The following AGPAT3 variants were observed in gnomAD, a reference collection of about 807,000 sequenced individuals.
AGPAT3 encodes 1-acyl-sn-glycerol-3-phosphate acyltransferase gamma.
In AGPAT3, 5 loss-of-function variants were observed where a neutral mutation model predicts 47.3. That is an observed-to-expected ratio of 0.11 (90% CI 0.06 to 0.22). The LOEUF is 0.22. Ranked by LOEUF, AGPAT3 falls within the 10% of genes least tolerant of loss-of-function variation. The pLI is 1.00. For missense variants in AGPAT3, 315 were observed against 493.0 expected (o/e 0.64, Z 3.42); for synonymous variants, 212 against 208.3 (o/e 1.02, Z -0.15).
rs914362474 is a variant in AGPAT3 at position 43,980,295 on chromosome 21, A to C, written c.844-694A>C. Among the ~76,000 whole-genome samples, 68 of 151,474 alleles carry C rather than the reference A, an allele frequency of 4.5e-4. 3 individuals carry two copies. In the East Asian group the frequency reaches 0.011, roughly 24 times the overall value. ...CATCTCAAAAAAAAAAAAAAAACAA[A>C]AAAAAACGAGAGAGTTGATGGTGCC... On this transcript the variant is annotated intron_variant, in intron 8 of 9. Coordinates refer to ENST00000291572, the MANE Select transcript of AGPAT3 (RefSeq NM_020132.5).
At chr21:43,893,183 G>A (rs946854799) in intron 1 of AGPAT3, among the ~76,000 whole-genome samples, 12 of 152,296 alleles carry the variant, frequency 7.9e-5, no homozygotes, top group South Asian at 2.1e-4. Flanking sequence ...CAGCTTCTCC[G>A]TGGGCACCTA....
At chr21:43,973,728 G>A (rs2089491606) in intron 7 of AGPAT3, among the ~76,000 whole-genome samples, 1 of 152,226 alleles carries the variant, frequency 6.6e-6, no homozygotes, top group African/African-American at 2.4e-5. Flanking sequence ...CCCTGCAGCC[G>A]AGCCATCACA....
rs954505137 is a variant in AGPAT3 at position 43,908,135 on chromosome 21, T to A, written c.-49+4116T>A. 6.6e-6 allele frequency among the ~76,000 whole-genome samples: 1 copy of A among 152,206 alleles called. No individual in the cohort carries two copies. On this transcript the variant is annotated intron_variant, in intron 2 of 9. Coordinates refer to ENST00000291572, the MANE Select transcript of AGPAT3 (RefSeq NM_020132.5). This position sits in a 1 kb window ranked among gnomAD's most constrained non-coding sequence, Gnocchi z 4.9. ...AAATTATGTGGGAAAAACGTGTGTG[T>A]GTTCCAAAGCTGGAGTGAGATTTCC...
At chr21:43,961,975 T>C (rs531499596) in intron 3 of AGPAT3, among the ~76,000 whole-genome samples, 3 of 152,008 alleles carry the variant, frequency 2.0e-5, no homozygotes, top group African/African-American at 4.8e-5. Context: ...AAATGTGTTA[T>C]AGCTTCAGTT....
At chr21:43,980,683 C>A (rs1032600981) in intron 8 of AGPAT3, among the ~76,000 whole-genome samples, 8 of 152,186 alleles carry the variant, frequency 5.3e-5, no homozygotes, top group African/African-American at 1.9e-4. Flanking sequence ...GGCGGGTGGC[C>A]GGGGCAGTGC....
At chr21:43,882,310 A>G (rs2085870933) in intron 1 of AGPAT3, among the ~76,000 whole-genome samples, 1 of 152,278 alleles carries the variant, frequency 6.6e-6, no homozygotes. Flanking sequence ...TCTCTTGTGC[A>G]GTATGGAAAT....
intron 7 of AGPAT3, among the ~76,000 whole-genome samples, chr21:43,973,254 T>C (rs376492469): frequency 1.3e-5 from 2 of 152,360 alleles, no homozygotes; most frequent in African/African-American, 4.8e-5. Context: ...GAGGGAGCTC[T>C]GAGCCACTGT....
chr21:43,928,869 C>T (rs2087144278), intron 2 of AGPAT3, among the ~76,000 whole-genome samples: 1 of 152,202 alleles, frequency 6.6e-6, no homozygotes, highest in Non-Finnish European at 1.5e-5. Flanking sequence ...CCACACCAAT[C>T]CTCTTTTTGC....
intron 1 of AGPAT3, 140 bp from the exon 2 acceptor site, chr21:43,903,817 C>T (rs555378031): frequency 2.6e-5 from 4 of 152,346 alleles, no homozygotes; most frequent in African/African-American, 7.2e-5. Flanking sequence ...TTTGGTTGAT[C>T]GGGAAAGGAT....
In AGPAT3 at chr21:43,981,130, G is replaced by A. The variant is rs751160034; in HGVS notation, c.985G>A (p.Val329Ile). The A allele has an allele frequency of 1.6e-5, 26 of 1,614,062 alleles. No homozygotes were observed. The highest frequency in any genetic ancestry group is 6.7e-5 in the East Asian group (3 of 44,886). Residue 329 changes from valine (V) to isoleucine (I), a missense_variant, in exon 9 of 10, where the codon GTC becomes ATC. Val to Ile is a conservative substitution (Grantham distance 29). Transcript: ENST00000291572. The surrounding 1 kb of genome is among the most constrained non-coding windows in gnomAD (Gnocchi z 5.3). ...LSPLFSFVLG[V>I]FASGSPLLIL... ...TCCCCTCTTCAGTTTTGTCTTGGGC[G>A]TCTTTGCCAGCGGATCACCTCTCCT...
intron 2 of AGPAT3, among the ~76,000 whole-genome samples, chr21:43,937,374 C>T (rs778724642): frequency 2.6e-5 from 4 of 152,352 alleles, no homozygotes; most frequent in South Asian, 2.1e-4. Flanking sequence ...AGCTCCTCTA[C>T]GCTGGCCTTT....
Position 43,933,713 on chromosome 21 carries a change from T to G in AGPAT3, c.-48-25921T>G, listed in dbSNP as rs1601346151. Among the ~76,000 whole-genome samples the G allele has an allele frequency of 6.7e-6, 1 of 149,462 alleles. No homozygotes were observed. The highest frequency in any genetic ancestry group is 2.1e-4 in the South Asian group (1 of 4,704). The stretch of plus-strand genomic sequence containing the variant: ...TGGGAGGGGCAGCACAGGGGAAAGG[T>G]GAGGGGAGAGTCAGGAGAGAAGGAC... On this transcript the variant is annotated intron_variant, in intron 2 of 9. Transcript: ENST00000291572. This position sits in a 1 kb window ranked among gnomAD's most constrained non-coding sequence, Gnocchi z 6.0.
intron 5 of AGPAT3, 131 bp downstream of exon 5, chr21:43,969,410 G>A: frequency 8.5e-7 from 1 of 1,178,078 alleles, no homozygotes; most frequent in African/African-American, 1.5e-5. Flanking sequence ...TGTTTCCATG[G>A]GGCCATGACT....
At chr21:43,936,081 G>A (rs181522395) in intron 2 of AGPAT3, among the ~76,000 whole-genome samples, 48 of 152,288 alleles carry the variant, frequency 3.2e-4, no homozygotes, top group Non-Finnish European at 5.4e-4. Flanking sequence ...CCTGCAGCTC[G>A]GGCACCCCTG....
intron 2 of AGPAT3, among the ~76,000 whole-genome samples, chr21:43,948,551 C>T (rs996853057): frequency 6.6e-6 from 1 of 152,100 alleles, no homozygotes; most frequent in Non-Finnish European, 1.5e-5. Context: ...GGTTCTGTTA[C>T]CAGCAAAGGG....
intron 2 of AGPAT3, among the ~76,000 whole-genome samples, chr21:43,904,739 C>T (rs1438176180): frequency 6.6e-6 from 1 of 152,164 alleles, no homozygotes; most frequent in African/African-American, 2.4e-5. Context: ...GTTCCCAGGC[C>T]CGCTGCTGTG....
At chr21:43,882,147 G>A (rs963787511) in intron 1 of AGPAT3, among the ~76,000 whole-genome samples, 1 of 152,236 alleles carries the variant, frequency 6.6e-6, no homozygotes, top group African/African-American at 2.4e-5. Flanking sequence ...CTGTGCCCAG[G>A]GCTGAGGGAG....
chr21:43,925,763 C>T (rs1481172117), intron 2 of AGPAT3, among the ~76,000 whole-genome samples: 3 of 152,244 alleles, frequency 2.0e-5, no homozygotes, highest in Non-Finnish European at 4.4e-5. Flanking sequence ...ATCTGGCCTG[C>T]GCCTGTCTCC....
intron 1 of AGPAT3, among the ~76,000 whole-genome samples, chr21:43,879,123 G>T (rs1028858305): frequency 9.9e-5 from 15 of 152,104 alleles, no homozygotes; most frequent in Non-Finnish European, 1.9e-4. Flanking sequence ...GCTGAGGCAG[G>T]CTGATCACTC....
Sources: allele counts gnomAD v4.1 joint callset (sites outside exome capture counted in the v4.1 genomes callset), GRCh38; gene constraint gnomAD v4.1.1; non-coding constraint Gnocchi (gnomAD v3.1); transcripts MANE v1.5; gene names NCBI Gene and HGNC (gene_info 2026-07-23, HGNC 2026-07-21).